Variants in EXOC6B observed in about 807,000 individuals in gnomAD.
EXOC6B encodes the protein exocyst complex component 6B.
Under a neutral mutation model 113.5 loss-of-function variants are expected in EXOC6B, and 54 were observed. That is an observed-to-expected ratio of 0.48 (90% CI 0.38 to 0.60). The LOEUF (loss-of-function observed/expected upper bound fraction) is 0.60. EXOC6B is among the 20% of genes least tolerant of loss of function. The pLI is 0.00. For synonymous variants in EXOC6B, 357 were observed against 339.0 expected (o/e 1.05, Z -0.58); for missense variants, 797 against 977.5 (o/e 0.82, Z 2.46).
intron 18 of EXOC6B, among the ~76,000 whole-genome samples, chr2:72,386,825 T>C (rs967948344): frequency 1.3e-5 from 2 of 152,372 alleles, no homozygotes; most frequent in East Asian, 1.9e-4. Flanking sequence ...ATATGTATTC[T>C]GTAACATCAT....
intron 1 of EXOC6B, among the ~76,000 whole-genome samples, chr2:72,762,014 G>C (rs1349198710): frequency 1.3e-5 from 2 of 152,064 alleles, no homozygotes; most frequent in Non-Finnish European, 2.9e-5. Flanking sequence ...GGGAGGCTGA[G>C]GCAGGCAGAT....
At chr2:72,472,711 TC>T (rs1255936423) in intron 17 of EXOC6B, among the ~76,000 whole-genome samples, 1 of 152,140 alleles carries the variant, frequency 6.6e-6, no homozygotes, top group East Asian at 1.9e-4. Context: ...CTGCATTATT[TC>T]CTTCTGATAT....
intron 20 of EXOC6B, among the ~76,000 whole-genome samples, chr2:72,205,371 A>AG (rs1239029430): frequency 2.0e-5 from 3 of 152,184 alleles, no homozygotes; most frequent in African/African-American, 7.2e-5. Flanking sequence ...GTAGAAAAAA[A>AG]AAAAAGGATA....
chr2:72,331,194 T>G (rs1034482642), intron 20 of EXOC6B, among the ~76,000 whole-genome samples: 3 of 152,114 alleles, frequency 2.0e-5, no homozygotes, highest in African/African-American at 4.8e-5. Flanking sequence ...ATCAGGAATT[T>G]GCTGGTCATT....
intron 1 of EXOC6B, among the ~76,000 whole-genome samples, chr2:72,785,711 C>T (rs1684338389): frequency 6.6e-6 from 1 of 152,240 alleles, no homozygotes; most frequent in Non-Finnish European, 1.5e-5. Context: ...GGGCTTGGCC[C>T]ACAAAACCAC....
intron 20 of EXOC6B, among the ~76,000 whole-genome samples, chr2:72,252,292 CGTGT>C (rs55983315): frequency 1.3e-5 from 2 of 151,408 alleles, no homozygotes; most frequent in African/African-American, 4.8e-5. Flanking sequence ...ATTCTTCACA[CGTGT>C]GTGTGTGTGT....
intron 1 of EXOC6B, among the ~76,000 whole-genome samples, chr2:72,810,920 A>C (rs1464818948): frequency 6.6e-6 from 1 of 151,924 alleles, no homozygotes; most frequent in South Asian, 2.1e-4. Flanking sequence ...GGTGGCACTC[A>C]CCTGTAGTTC....
intron 11 of EXOC6B, among the ~76,000 whole-genome samples, chr2:72,501,073 A>G (rs1247358751): frequency 3.9e-5 from 6 of 152,056 alleles, no homozygotes; most frequent in Non-Finnish European, 7.4e-5. Context: ...TTTATTTTCA[A>G]TCTTTTCAGC....
chr2:72,391,229 T>C (rs1383770990), intron 18 of EXOC6B, among the ~76,000 whole-genome samples: 1 of 152,238 alleles, frequency 6.6e-6, no homozygotes, highest in Non-Finnish European at 1.5e-5. Flanking sequence ...TAGATGTTTA[T>C]GGTTGAGATC....
intron 20 of EXOC6B, among the ~76,000 whole-genome samples, chr2:72,189,970 T>G (rs1164324034): frequency 7.0e-6 from 1 of 143,218 alleles, no homozygotes; most frequent in East Asian, 2.3e-4. Context: ...TGCCTCAGCC[T>G]CCCGAGTAGC....
At chr2:72,404,820 C>G (rs754939353) in intron 18 of EXOC6B, among the ~76,000 whole-genome samples, 2 of 152,144 alleles carry the variant, frequency 1.3e-5, no homozygotes, top group Admixed American at 6.5e-5. Flanking sequence ...TCCAAAGCAA[C>G]GCAGCTCCTC....
chr2:72,559,269 G>C (rs1703749289), intron 8 of EXOC6B, among the ~76,000 whole-genome samples, 184 bp downstream of exon 8: 1 of 152,120 alleles, frequency 6.6e-6, no homozygotes, highest in Non-Finnish European at 1.5e-5. Context: ...AATGTCACTA[G>C]CCATAGCATA....
At chr2:72,763,530 C>G (rs1182203385) in intron 1 of EXOC6B, among the ~76,000 whole-genome samples, 2 of 151,782 alleles carry the variant, frequency 1.3e-5, no homozygotes, top group Non-Finnish European at 2.9e-5. Context: ...TCAAGTGATC[C>G]TCCTATCTCA....
At chr2:72,359,745 G>T (rs1365088404) in intron 19 of EXOC6B, among the ~76,000 whole-genome samples, 2 of 152,060 alleles carry the variant, frequency 1.3e-5, no homozygotes, top group Non-Finnish European at 2.9e-5. Flanking sequence ...TTGTTTATTT[G>T]TCCCCTCCAA....
intron 11 of EXOC6B, 116 bp from the exon 12 acceptor site, chr2:72,500,088 C>A: frequency 2.9e-6 from 2 of 695,758 alleles, no homozygotes; most frequent in South Asian, 1.9e-5. Context: ...CTGGTAAATT[C>A]TTTCCCTAGA....
rs545089618 is a variant in EXOC6B at position 72,243,148 on chromosome 2, G to A, written c.2197-58961C>T. Among the ~76,000 whole-genome samples, 11 of 152,240 alleles carry A rather than the reference G, an allele frequency of 7.2e-5. No individual in the cohort carries two copies. The South Asian group carries it at 2.3e-3, about 32-fold the overall frequency. On this transcript the variant is annotated intron_variant, in intron 20 of 21. Coordinates refer to ENST00000272427, the MANE Select transcript of EXOC6B (RefSeq NM_015189.3). ...GTTTAATTGACTCAGAGTTCAGCAT[G>A]AATGGGGAGGCCTCAGGAAACTTAC... is the stretch of plus-strand genomic sequence containing the variant.
At chr2:72,688,009 C>CA (rs1433698683) in intron 6 of EXOC6B, among the ~76,000 whole-genome samples, 2 of 151,780 alleles carry the variant, frequency 1.3e-5, no homozygotes, top group East Asian at 1.9e-4. Context: ...CCAGCCCCTC[C>CA]AAAAAAAATC....
intron 18 of EXOC6B, among the ~76,000 whole-genome samples, chr2:72,380,840 G>C (rs1197554381): frequency 7.2e-5 from 11 of 152,180 alleles, no homozygotes; most frequent in African/African-American, 2.6e-4. Context: ...TCTACATTTA[G>C]TGAATTACAT....
intron 1 of EXOC6B, among the ~76,000 whole-genome samples, chr2:72,788,260 A>C (rs1001626278): frequency 7.2e-5 from 11 of 152,242 alleles, no homozygotes; most frequent in Non-Finnish European, 4.4e-5. Flanking sequence ...CAAAGTAAGT[A>C]GTAAATAAGC....
Sources: allele counts gnomAD v4.1 joint callset (sites outside exome capture counted in the v4.1 genomes callset), GRCh38; gene constraint gnomAD v4.1.1; transcripts MANE v1.5; gene names NCBI Gene and HGNC (gene_info 2026-07-23, HGNC 2026-07-21).